Variants in RASAL2 observed in about 807,000 individuals in gnomAD.
RASAL2 encodes RAS protein activator like 2.
A neutral mutation model predicts 128.9 loss-of-function variants in RASAL2; 58 were observed. The observed-to-expected ratio is 0.45, with a 90% confidence interval of 0.36 to 0.56. The LOEUF is 0.56. Among genes scored for constraint, RASAL2 ranks in the 20% least tolerant of loss-of-function variants. RASAL2 has a pLI of 0.00. For missense variants in RASAL2, 1,360 were observed against 1,601.6 expected (o/e 0.85, Z 2.57); for synonymous variants, 561 against 580.8 (o/e 0.97, Z 0.49).
intron 1 of RASAL2, among the ~76,000 whole-genome samples, chr1:178,152,900 T>A (rs1183484861): frequency 6.6e-6 from 1 of 152,120 alleles, no homozygotes; most frequent in African/African-American, 2.4e-5. Flanking sequence ...TCAGTATATA[T>A]CTCTAAAAGA....
chr1:178,393,642 G>A (rs1326490259), intron 4 of RASAL2, among the ~76,000 whole-genome samples: 1 of 152,184 alleles, frequency 6.6e-6, no homozygotes. Context: ...CTGATCTATA[G>A]GAGAGTTTCT....
chr1:178,379,829 G>T (rs944026567), intron 3 of RASAL2, among the ~76,000 whole-genome samples: 4 of 152,160 alleles, frequency 2.6e-5, no homozygotes, highest in African/African-American at 4.8e-5. Context: ...AAGCTGAACA[G>T]ATATCTAAAG....
At chr1:178,218,906 A>G (rs760288297) in intron 1 of RASAL2, among the ~76,000 whole-genome samples, 1 of 152,240 alleles carries the variant, frequency 6.6e-6, no homozygotes, top group Non-Finnish European at 1.5e-5. Flanking sequence ...TAAGCCAGAC[A>G]CTGACTTCTC....
At chr1:178,321,865 G>A (rs555789559) in intron 3 of RASAL2, among the ~76,000 whole-genome samples, 1 of 151,876 alleles carries the variant, frequency 6.6e-6, no homozygotes, top group South Asian at 2.1e-4. Flanking sequence ...GTGCATGTCT[G>A]TAATCCCAAC....
At chr1:178,137,318 TC>T (rs1165241725) in intron 1 of RASAL2, among the ~76,000 whole-genome samples, 1 of 152,208 alleles carries the variant, frequency 6.6e-6, no homozygotes, top group Non-Finnish European at 1.5e-5. Flanking sequence ...GACAGAACTT[TC>T]CCTTCTCTGT....
intron 1 of RASAL2, among the ~76,000 whole-genome samples, chr1:178,098,373 A>G (rs1256842080): frequency 6.6e-6 from 1 of 152,216 alleles, no homozygotes; most frequent in Non-Finnish European, 1.5e-5. Flanking sequence ...AATGCAGAAC[A>G]TTTTTCAGAT....
intron 4 of RASAL2, among the ~76,000 whole-genome samples, chr1:178,404,684 ATTTT>A (rs61625303): frequency 8.2e-4 from 90 of 110,302 alleles, no homozygotes; most frequent in Middle Eastern, 5.6e-3. Context: ...TGGCCCCCCA[ATTTT>A]TTTTTTTTTT....
At chr1:178,244,716 T>A (rs1664690503) in intron 1 of RASAL2, among the ~76,000 whole-genome samples, 1 of 152,204 alleles carries the variant, frequency 6.6e-6, no homozygotes, top group South Asian at 2.1e-4. Flanking sequence ...CCTAATGCTC[T>A]CCTTCCCCTT....
chr1:178,140,228 T>A (rs908326192), intron 1 of RASAL2, among the ~76,000 whole-genome samples: 3 of 152,166 alleles, frequency 2.0e-5, no homozygotes, highest in Non-Finnish European at 2.9e-5. Context: ...ACAGAAAAAT[T>A]GTGCAGAAAA....
chr1:178,183,733 T>G (rs1435465718), intron 1 of RASAL2, among the ~76,000 whole-genome samples: 1 of 152,194 alleles, frequency 6.6e-6, no homozygotes, highest in Non-Finnish European at 1.5e-5. Flanking sequence ...TTGCTTCTAG[T>G]TTTTGGTGAT....
intron 1 of RASAL2, among the ~76,000 whole-genome samples, chr1:178,267,370 C>T (rs1374237529): frequency 6.6e-6 from 1 of 152,018 alleles, no homozygotes; most frequent in African/African-American, 2.4e-5. Context: ...TTCCAACTTC[C>T]TCACTATAGT....
chr1:178,364,454 A>G (rs1289771427), intron 3 of RASAL2, among the ~76,000 whole-genome samples: 2 of 152,228 alleles, frequency 1.3e-5, no homozygotes, highest in African/African-American at 4.8e-5. Context: ...GAAAAATGTT[A>G]CTACAACCTT....
intron 2 of RASAL2, among the ~76,000 whole-genome samples, chr1:178,298,272 G>A (rs1026560687): frequency 1.3e-5 from 2 of 152,160 alleles, no homozygotes; most frequent in Non-Finnish European, 1.5e-5. Context: ...ATATTACAGA[G>A]TACTTTTGGA....
chr1:178,133,286 A>G (rs1480644131), intron 1 of RASAL2, among the ~76,000 whole-genome samples: 2 of 152,080 alleles, frequency 1.3e-5, no homozygotes, highest in East Asian at 3.9e-4. Context: ...CCTTTTTGTT[A>G]TAAATATTAT....
Position 178,457,918 on chromosome 1 carries a change from G to A in RASAL2, c.2626G>A (p.Gly876Arg), listed in dbSNP as rs768004487. Reference sequence around the variant, plus strand: ...GCTTGATGTGCCTATACGCTTGACCGGAAGCCAGCTTTCCATAACCCAGGT... The same window carrying A: ...GCTTGATGTGCCTATACGCTTGACCAGAAGCCAGCTTTCCATAACCCAGGT... ...VMLDVPIRLT[G>R]SQLSITQVAS... Residue 876 changes from glycine to arginine, a missense_variant, in exon 14 of 18, where the codon GGA becomes AGA. Coordinates refer to ENST00000367649, the MANE Select transcript of RASAL2 (RefSeq NM_170692.4). 16 of 1,613,990 alleles carry A rather than the reference G, an allele frequency of 9.9e-6. No individual in the cohort carries two copies. The highest frequency in any genetic ancestry group is 3.3e-5 in the South Asian group (3 of 91,082).
rs532511779 is a variant in RASAL2, at chr1:178,465,879, A to G, written c.3388-41A>G. The G allele has an allele frequency of 2.5e-5, 35 of 1,380,064 alleles. No homozygotes were observed. The East Asian group carries it at 8.2e-4, about 32-fold the overall frequency. The allele number at this position is 1,380,064 out of a possible 1,614,324, so 85.5% of individuals were successfully genotyped here. ...AGTAAATCACTGATTTCTAAAAGCA[A>G]TGTGACTCTAGTTTTTGTCTCCTTG... On this transcript the variant is annotated intron_variant, in intron 15 of 17. Transcript: ENST00000367649.
Position 178,448,200 on chromosome 1 carries a change from A to G in RASAL2, c.1627+2538A>G, listed in dbSNP as rs530746101. 5.3e-5 allele frequency among the ~76,000 whole-genome samples: 8 copies of G among 152,302 alleles called. No homozygotes were observed. In the East Asian group the frequency reaches 1.5e-3, roughly 29 times the overall value. Reference sequence around the variant, plus strand: ...GTGATCAGAGAAAGAGAGAGCATCCAAAAAAGAAAGAAAACCAGGAAAATA... The same window carrying G: ...GTGATCAGAGAAAGAGAGAGCATCCGAAAAAGAAAGAAAACCAGGAAAATA... On this transcript the variant is annotated intron_variant, in intron 9 of 17. Transcript: ENST00000367649.
chr1:178,166,683 A>T (rs766897380), intron 1 of RASAL2, among the ~76,000 whole-genome samples: 1 of 152,132 alleles, frequency 6.6e-6, no homozygotes, highest in Non-Finnish European at 1.5e-5. Flanking sequence ...GGGGAGAAAG[A>T]GTAACCACCA....
At chr1:178,102,384 A>G (rs1658934546) in intron 1 of RASAL2, among the ~76,000 whole-genome samples, 1 of 151,836 alleles carries the variant, frequency 6.6e-6, no homozygotes, top group Non-Finnish European at 1.5e-5. Context: ...GCAGTGGCGC[A>G]ATCATAGCTC....
Sources: allele counts gnomAD v4.1 joint callset (sites outside exome capture counted in the v4.1 genomes callset), GRCh38; gene constraint gnomAD v4.1.1; transcripts MANE v1.5; gene names NCBI Gene and HGNC (gene_info 2026-07-23, HGNC 2026-07-21).